SHF: variants seen among roughly 807,000 people sequenced by gnomAD.
SHF encodes SH2 domain-containing adapter protein F.
A neutral mutation model predicts 42.4 loss-of-function variants in SHF; 30 were observed. The ratio of observed to expected loss-of-function variants is 0.71; its 90% CI spans 0.53 to 0.96. SHF has a LOEUF of 0.96. Among genes scored for constraint, SHF ranks in the 40% least tolerant of loss-of-function variants. The pLI, the probability that SHF is intolerant of heterozygous loss-of-function variation, is 0.00. For synonymous variants in SHF, 264 were observed against 269.9 expected (o/e 0.98, Z 0.21); for missense variants, 598 against 634.0 (o/e 0.94, Z 0.61).
chr15:45,199,203 T>TACTCCCCTGACAGCCCTG (rs1898983121), intron 1 of SHF: 1 of 1,086,294 alleles, frequency 9.2e-7, no homozygotes, highest in East Asian at 2.6e-5. Flanking sequence ...CAGCCTCTCA[T>TACTCCCCTGACAGCCCTG]ACTCCCCTGA....
intron 1 of SHF, among the ~76,000 whole-genome samples, chr15:45,186,839 G>T (rs1328754591): frequency 6.6e-6 from 1 of 152,284 alleles, no homozygotes; most frequent in Non-Finnish European, 1.5e-5. Context: ...GCTGTAAGCT[G>T]CCTGTCTTCG....
At chr15:45,198,633 T>C in intron 2 of SHF, 1 of 1,088,396 alleles carries the variant, frequency 9.2e-7, no homozygotes, top group Non-Finnish European at 1.3e-6. Flanking sequence ...GAACCGAGGT[T>C]GCTGCGGCCA....
At chr15:45,179,064 T>C (rs986361387) in intron 1 of SHF, among the ~76,000 whole-genome samples, 2 of 152,254 alleles carry the variant, frequency 1.3e-5, no homozygotes, top group African/African-American at 4.8e-5. Context: ...GAGATTAGCA[T>C]GGTCCATGCC....
chr15:45,184,740 C>T (rs904022352), intron 1 of SHF, among the ~76,000 whole-genome samples: 5 of 152,282 alleles, frequency 3.3e-5, no homozygotes, highest in African/African-American at 1.2e-4. Flanking sequence ...GCCCAGCTCT[C>T]TAGCCCCCAC....
chr15:45,182,241 G>A (rs1039772390), intron 1 of SHF, among the ~76,000 whole-genome samples: 2 of 152,214 alleles, frequency 1.3e-5, no homozygotes, highest in African/African-American at 4.8e-5. Context: ...TACAATGTGT[G>A]CCTTGCTCTG....
chr15:45,199,086 G>A (rs1239111184), exon 2 of SHF: 2 of 1,559,394 alleles, frequency 1.3e-6, no homozygotes, highest in South Asian at 2.3e-5. Flanking sequence ...CTCCAGCGGT[G>A]ACCCAATGCC....
intron 1 of SHF, chr15:45,199,261 C>T (rs1223087098): frequency 1.8e-5 from 12 of 656,346 alleles, no homozygotes; most frequent in Non-Finnish European, 3.0e-5. Flanking sequence ...TTCCGCCGTG[C>T]CAGGTGCCCA....
chr15:45,170,316 G>C, intron 6 of SHF: 1 of 1,213,688 alleles, frequency 8.2e-7, no homozygotes, highest in Non-Finnish European at 1.1e-6. Context: ...TCTTGCAGGG[G>C]AGTAGTTGGT....
At chr15:45,194,101 CAAAAA>C (rs56176160) in intron 2 of SHF, among the ~76,000 whole-genome samples, 1 of 75,600 alleles carries the variant, frequency 1.3e-5, no homozygotes. Flanking sequence ...GAGTTTGTCT[CAAAAA>C]AAAAAAAAAA....
chr15:45,169,434 T>A (rs1174050576), intron 6 of SHF, among the ~76,000 whole-genome samples: 1 of 151,974 alleles, frequency 6.6e-6, no homozygotes, highest in African/African-American at 2.4e-5. Context: ...GGGTGCAGGG[T>A]GGCCGGGGCC....
intron 1 of SHF, among the ~76,000 whole-genome samples, chr15:45,180,367 C>T (rs1898064758): frequency 6.6e-6 from 1 of 152,302 alleles, no homozygotes; most frequent in African/African-American, 2.4e-5. Context: ...ACCCCTTGAC[C>T]AAGGCGGCTC....
intron 2 of SHF, among the ~76,000 whole-genome samples, chr15:45,177,613 C>T (rs1402175576): frequency 6.6e-6 from 1 of 152,208 alleles, no homozygotes; most frequent in Admixed American, 6.5e-5. Context: ...CAAACTTCCT[C>T]TCACCCTGCC....
chr15:45,179,554 C>G (rs1207196851), intron 1 of SHF, among the ~76,000 whole-genome samples: 1 of 152,222 alleles, frequency 6.6e-6, no homozygotes, highest in Non-Finnish European at 1.5e-5. Context: ...CCACACACTC[C>G]GAAGAGGCAC....
intron 6 of SHF, among the ~76,000 whole-genome samples, chr15:45,168,659 C>G (rs1228193592): frequency 6.6e-6 from 1 of 152,174 alleles, no homozygotes; most frequent in Admixed American, 6.5e-5. Context: ...GGAAGCTGAT[C>G]TGGAAGACCC....
intron 5 of SHF, 64 bp from the exon 6 acceptor site, chr15:45,172,066 T>C (rs756867506): frequency 2.3e-5 from 37 of 1,613,570 alleles, no homozygotes; most frequent in East Asian, 1.8e-4. Context: ...GGCCCACCCA[T>C]TGTGGGTGTC....
intron 1 of SHF, among the ~76,000 whole-genome samples, chr15:45,182,491 A>G (rs548995619): frequency 2.0e-5 from 3 of 152,324 alleles, no homozygotes; most frequent in Non-Finnish European, 2.9e-5. Flanking sequence ...TTTTCTATTC[A>G]GGTATTAAGG....
intron 6 of SHF, 158 bp downstream of exon 6, chr15:45,171,725 A>T: frequency 1.4e-6 from 1 of 719,602 alleles, no homozygotes; most frequent in African/African-American, 1.8e-5. Context: ...GAGCTCCTTG[A>T]GAGCAGGGGC....
At position 45,172,258 on chromosome 15, in the gene SHF, A is replaced by G. The variant is rs1428455922; in HGVS notation, c.1049T>C (p.Leu350Pro). The G allele has an allele frequency of 1.7e-5, 28 of 1,613,270 alleles. No homozygotes were observed. The Admixed American group carries it at 4.7e-4, about 27-fold the overall frequency. ...LSPGREEKGR[L>P]PPRLSAGNPK... ...GTTCCCTGCAGAGAGTCGGGGAGGT[A>G]GCCGCCCCTTCTCCTCCCGGCCAGG... The change falls in exon 5 of 7, where the codon CTA (leucine) becomes CCA (proline). Residue 350 changes from leucine (L) to proline (P), a missense_variant. Physicochemically the swap from Leu to Pro is moderately conservative, Grantham distance 98. Transcript: ENST00000690270.
At chr15:45,173,500 A>AG in intron 4 of SHF, 76 bp downstream of exon 4, 1 of 1,428,274 alleles carries the variant, frequency 7.0e-7, no homozygotes, top group Non-Finnish European at 9.1e-7. Flanking sequence ...CCCACCTCTC[A>AG]GCTCCTCCAA....
Sources: allele counts gnomAD v4.1 joint callset (sites outside exome capture counted in the v4.1 genomes callset), GRCh38; gene constraint gnomAD v4.1.1; transcripts MANE v1.5; gene names NCBI Gene and HGNC (gene_info 2026-07-23, HGNC 2026-07-21).